MCCC2: variants seen among roughly 807,000 people sequenced by gnomAD.
The protein encoded by MCCC2 is methylcrotonyl-CoA carboxylase subunit 2.
A neutral mutation model predicts 77.2 loss-of-function variants in MCCC2; 52 were observed. The observed-to-expected ratio is 0.67, with a 90% confidence interval of 0.54 to 0.85. MCCC2 has a LOEUF of 0.85. Ranked by LOEUF, MCCC2 falls within the 40% of genes least tolerant of loss-of-function variation. MCCC2 has a pLI of 0.00. For synonymous variants in MCCC2, 253 were observed against 248.4 expected (o/e 1.02, Z -0.18); for missense variants, 682 against 703.2 (o/e 0.97, Z 0.34).
chr5:71,606,193 C>A (rs915937037), intron 6 of MCCC2, among the ~76,000 whole-genome samples: 2 of 150,852 alleles, frequency 1.3e-5, no homozygotes, highest in African/African-American at 2.4e-5. Context: ...GATATTGATT[C>A]TTCCTACCCA....
intron 6 of MCCC2, among the ~76,000 whole-genome samples, chr5:71,610,758 G>T (rs892074969): frequency 6.6e-6 from 1 of 152,126 alleles, no homozygotes; most frequent in Non-Finnish European, 1.5e-5. Context: ...AGGCCGAGGT[G>T]GGGGGATCAC....
At chr5:71,628,075 C>G (rs1365072171) in intron 7 of MCCC2, among the ~76,000 whole-genome samples, 1 of 152,070 alleles carries the variant, frequency 6.6e-6, no homozygotes, top group African/African-American at 2.4e-5. Flanking sequence ...AACTCCTGAC[C>G]TCAGGTGGTA....
intron 6 of MCCC2, among the ~76,000 whole-genome samples, chr5:71,617,678 A>C (rs1165035295): frequency 6.6e-6 from 1 of 152,178 alleles, no homozygotes; most frequent in Non-Finnish European, 1.5e-5. Context: ...TCTAACTTCA[A>C]TTATGTTATG....
At chr5:71,604,550 A>T in intron 6 of MCCC2, 82 bp downstream of exon 6, 3 of 1,049,914 alleles carry the variant, frequency 2.9e-6, no homozygotes, top group South Asian at 2.6e-5. Context: ...GGATGGCTTG[A>T]AAGTAAAACA....
chr5:71,635,017 A>G lies in MCCC2; in HGVS notation c.878A>G (p.Asn293Ser). 1 of 1,614,162 alleles carries G rather than the reference A, an allele frequency of 6.2e-7. No individual in the cohort carries two copies. Among genetic ancestry groups the G allele is most frequent in the Non-Finnish European group, 8.5e-7 (1 of 1,180,024 alleles). The change falls in exon 9 of 17, where the codon AAT becomes AGT. Residue 293 changes from asparagine to serine, a missense_variant. Asn to Ser is a conservative substitution (Grantham distance 46). Transcript: ENST00000340941. ...CACTTAACTAGGAAGGTTGTGAGGA[A>G]TCTAAATTATCAGAAGAAATTGGAT... Reference protein sequence around the residue: ...ALHLTRKVVRNLNYQKKLDVT... With the variant: ...ALHLTRKVVRSLNYQKKLDVT...
chr5:71,602,322 A>G (rs780020058), intron 4 of MCCC2, among the ~76,000 whole-genome samples, 184 bp from the exon 5 acceptor site: 13 of 152,236 alleles, frequency 8.5e-5, no homozygotes, highest in Non-Finnish European at 1.9e-4. Flanking sequence ...TTTGTATTAT[A>G]TAAATTAATA....
At chr5:71,615,418 C>T (rs751178694) in intron 6 of MCCC2, among the ~76,000 whole-genome samples, 1 of 152,078 alleles carries the variant, frequency 6.6e-6, no homozygotes, top group South Asian at 2.1e-4. Flanking sequence ...TCGTGAAATT[C>T]TCCTTATGCT....
chr5:71,606,480 G>A (rs1315386434), intron 6 of MCCC2, among the ~76,000 whole-genome samples: 1 of 147,958 alleles, frequency 6.8e-6, no homozygotes, highest in Non-Finnish European at 1.5e-5. Context: ...TTTGGGCTGA[G>A]ACAATGGGGT....
chr5:71,589,110 G>T (rs1393257322), intron 1 of MCCC2, among the ~76,000 whole-genome samples: 1 of 152,038 alleles, frequency 6.6e-6, no homozygotes, highest in Non-Finnish European at 1.5e-5. Flanking sequence ...TGTAGGAGGG[G>T]GGCATAAATA....
intron 6 of MCCC2, among the ~76,000 whole-genome samples, chr5:71,623,667 A>G (rs1003497502): frequency 4.6e-5 from 7 of 152,150 alleles, no homozygotes; most frequent in Non-Finnish European, 1.0e-4. Flanking sequence ...CATATTCAAG[A>G]GGAAGGAACT....
At chr5:71,648,974 T>G in intron 13 of MCCC2, 123 bp from the exon 14 acceptor site, 1 of 1,147,818 alleles carries the variant, frequency 8.7e-7, no homozygotes, top group Non-Finnish European at 1.3e-6. Context: ...CATATAAACA[T>G]TTTCTTAAGG....
intron 6 of MCCC2, among the ~76,000 whole-genome samples, chr5:71,610,102 G>A (rs750199077): frequency 1.3e-5 from 2 of 152,250 alleles, no homozygotes; most frequent in African/African-American, 4.8e-5. Flanking sequence ...CACCCAGTTC[G>A]AGCTTCCTGG....
intron 6 of MCCC2, among the ~76,000 whole-genome samples, chr5:71,607,044 G>T (rs1745709734): frequency 6.7e-6 from 1 of 150,150 alleles, no homozygotes. Flanking sequence ...TCTCTTTTTT[G>T]GTTGTGTCTC....
At chr5:71,655,094 A>G (rs1038679490) in intron 16 of MCCC2, among the ~76,000 whole-genome samples, 1 of 152,196 alleles carries the variant, frequency 6.6e-6, no homozygotes, top group Non-Finnish European at 1.5e-5. Flanking sequence ...TCGGCTTCCC[A>G]AAGTACTGGG....
At chr5:71,631,810 G>A (rs1226515328) in intron 7 of MCCC2, among the ~76,000 whole-genome samples, 2 of 152,142 alleles carry the variant, frequency 1.3e-5, no homozygotes, top group Non-Finnish European at 2.9e-5. Context: ...AAAGTGCTGG[G>A]ATTACAGGCG....
At position 71,634,946 on chromosome 5, in the gene MCCC2, G is replaced by T; in HGVS notation, c.807G>T (p.Lys269Asn). The change falls in exon 9 of 17, where the codon AAG becomes AAT. Residue 269 changes from lysine to asparagine, a missense_variant. Physicochemically the swap from Lys to Asn is moderately conservative, Grantham distance 94. Coordinates refer to ENST00000340941, the MANE Select transcript of MCCC2 (RefSeq NM_022132.5). ...DLGGADLHCRKSGVSDHWALD... is the reference protein window; with the variant it reads ...DLGGADLHCRNSGVSDHWALD... ...GTTTAGTTTGCTTATTCTGTAGAAA[G>T]TCTGGAGTAAGTGACCACTGGGCTT... 6.2e-7 allele frequency: 1 copy of T among 1,613,944 alleles called. No individual in the cohort carries two copies. Among genetic ancestry groups the T allele is most frequent in the East Asian group, 2.2e-5 (1 of 44,854 alleles).
chr5:71,633,106 TATATATATATATATA>T (rs1746782485), intron 8 of MCCC2, among the ~76,000 whole-genome samples: 6 of 21,818 alleles, frequency 2.8e-4, no homozygotes, highest in East Asian at 3.2e-3. Flanking sequence ...TATATATATA[TATATATATATATATA>T]TATATATATA....
chr5:71,617,751 T>C (rs1372782491), intron 6 of MCCC2, among the ~76,000 whole-genome samples: 1 of 152,166 alleles, frequency 6.6e-6, no homozygotes, highest in Non-Finnish European at 1.5e-5. Context: ...CTCTCCAAGG[T>C]TGGTTTTTAT....
At chr5:71,652,234 AT>A (rs1243544110) in intron 15 of MCCC2, among the ~76,000 whole-genome samples, 1 of 152,192 alleles carries the variant, frequency 6.6e-6, no homozygotes, top group Non-Finnish European at 1.5e-5. Context: ...GTTATTCAAG[AT>A]TTGGTTGGTA....
Sources: gnomAD v4.1 joint callset for allele counts (sites outside exome capture counted in the v4.1 genomes callset) on GRCh38, gnomAD v4.1.1 for gene constraint, MANE v1.5 for transcripts, NCBI Gene and HGNC (gene_info 2026-07-23, HGNC 2026-07-21) for gene names.